Variants in FMN1 observed in about 807,000 individuals in gnomAD.
FMN1 encodes the protein formin 1, also known as formin-1.
In FMN1, 110 loss-of-function variants were observed where a neutral mutation model predicts 132.4. The ratio of observed to expected loss-of-function variants is 0.83; its 90% confidence interval spans 0.71 to 0.97. FMN1 has a LOEUF of 0.97. Among genes scored for constraint, FMN1 ranks in the 50% least tolerant of loss-of-function variants. FMN1 has a pLI of 0.00. For missense variants in FMN1, 1,792 were observed against 1,705.3 expected, an observed-to-expected ratio of 1.05 and a Z score of -0.90; for synonymous variants, 722 against 651.7, an observed-to-expected ratio of 1.11 and a Z score of -1.64.
chr15:32,824,632 C>T (rs1308985275), intron 17 of FMN1, among the ~76,000 whole-genome samples: 1 of 152,158 alleles, frequency 6.6e-6, no homozygotes, highest in Non-Finnish European at 1.5e-5. Context: ...CTCACTCTGT[C>T]ACCTAGGCTG....
chr15:32,899,259 G>A (rs767693029), intron 14 of FMN1, among the ~76,000 whole-genome samples: 20 of 152,210 alleles, frequency 1.3e-4, no homozygotes, highest in Non-Finnish European at 2.6e-4. Context: ...CTCCCTGCCC[G>A]TCTTTCAAAA....
chr15:32,898,435 T>G (rs1387563019), intron 15 of FMN1, among the ~76,000 whole-genome samples: 1 of 152,226 alleles, frequency 6.6e-6, no homozygotes, highest in Non-Finnish European at 1.5e-5. Flanking sequence ...GTTCATAGAT[T>G]CATTACTGAT....
intron 6 of FMN1, among the ~76,000 whole-genome samples, chr15:33,018,620 A>G (rs912854491): frequency 2.0e-5 from 3 of 152,168 alleles, no homozygotes; most frequent in Non-Finnish European, 4.4e-5. Context: ...GCATCTCTTC[A>G]TCTGTATCCT....
At chr15:33,019,444 G>A (rs2035289796) in intron 6 of FMN1, among the ~76,000 whole-genome samples, 1 of 152,212 alleles carries the variant, frequency 6.6e-6, no homozygotes, top group South Asian at 2.1e-4. Context: ...CCTGCACCGG[G>A]GCCGCAGGTG....
At chr15:33,105,354 G>C (rs1248648869) in intron 4 of FMN1, among the ~76,000 whole-genome samples, 1 of 152,104 alleles carries the variant, frequency 6.6e-6, no homozygotes, top group Non-Finnish European at 1.5e-5. Context: ...TTAATAGCTA[G>C]CATAATTTAC....
At chr15:33,073,798 A>G (rs2038092219) in intron 5 of FMN1, among the ~76,000 whole-genome samples, 1 of 149,886 alleles carries the variant, frequency 6.7e-6, no homozygotes, top group Non-Finnish European at 1.5e-5. Flanking sequence ...TGGCACAATC[A>G]CTGCTCAGGC....
chr15:33,068,925 T>C (rs1312072703), intron 5 of FMN1, among the ~76,000 whole-genome samples: 1 of 152,238 alleles, frequency 6.6e-6, no homozygotes, highest in Non-Finnish European at 1.5e-5. Context: ...TGTGACTTCC[T>C]GGCTGCCTTA....
At chr15:32,832,419 C>T (rs2058523483) in intron 17 of FMN1, among the ~76,000 whole-genome samples, 1 of 152,154 alleles carries the variant, frequency 6.6e-6, no homozygotes, top group African/African-American at 2.4e-5. Context: ...TCTTCACAGA[C>T]AACTGTGCTT....
chr15:33,093,296 T>C (rs2038967023), intron 4 of FMN1, among the ~76,000 whole-genome samples: 1 of 152,124 alleles, frequency 6.6e-6, no homozygotes, highest in African/African-American at 2.4e-5. Context: ...GAGGTAAAGT[T>C]TTCTCAGCCG....
intron 5 of FMN1, among the ~76,000 whole-genome samples, chr15:33,070,423 A>G (rs1325687894): frequency 1.3e-5 from 2 of 148,412 alleles, no homozygotes; most frequent in African/African-American, 5.0e-5. Context: ...AAAAGACTCA[A>G]TTTCTCAGAC....
intron 17 of FMN1, among the ~76,000 whole-genome samples, chr15:32,819,624 TC>T (rs1003092199): frequency 6.6e-6 from 1 of 152,186 alleles, no homozygotes; most frequent in Non-Finnish European, 1.5e-5. Flanking sequence ...CTAGCTTTGT[TC>T]CTTCCCACAA....
chr15:32,908,899 C>T (rs1340348464), intron 11 of FMN1, among the ~76,000 whole-genome samples: 1 of 152,138 alleles, frequency 6.6e-6, no homozygotes, highest in African/African-American at 2.4e-5. Flanking sequence ...CTTTTGAATC[C>T]CCCATCTCTT....
At chr15:33,064,917 A>T in intron 6 of FMN1, 40 bp downstream of exon 6, 16 of 1,365,842 alleles carry the variant, frequency 1.2e-5, no homozygotes, top group Non-Finnish European at 1.7e-5. Flanking sequence ...CATTGCAGGA[A>T]GAGATTCATT....
chr15:32,977,276 T>C (rs1175678993), intron 7 of FMN1, among the ~76,000 whole-genome samples: 6 of 152,166 alleles, frequency 3.9e-5, no homozygotes, highest in Admixed American at 2.6e-4. Context: ...AAATCTACTA[T>C]CCACCTTATC....
intron 7 of FMN1, among the ~76,000 whole-genome samples, chr15:32,985,222 G>A (rs2032990133): frequency 6.6e-6 from 1 of 152,088 alleles, no homozygotes; most frequent in Admixed American, 6.6e-5. Context: ...CCAATTTGGT[G>A]GATTTTTTCC....
intron 4 of FMN1, among the ~76,000 whole-genome samples, chr15:33,110,704 T>C (rs1034347490): frequency 2.6e-5 from 4 of 151,870 alleles, no homozygotes; most frequent in African/African-American, 4.8e-5. Context: ...CATTAAAGCA[T>C]TTTGATGACT....
chr15:32,796,743 A>G (rs2057302765), intron 19 of FMN1, among the ~76,000 whole-genome samples: 1 of 152,212 alleles, frequency 6.6e-6, no homozygotes, highest in African/African-American at 2.4e-5. Flanking sequence ...TTTTAAGAAA[A>G]CCCTGGATAT....
At chr15:32,953,713 T>C (rs949162050) in intron 9 of FMN1, among the ~76,000 whole-genome samples, 4 of 152,060 alleles carry the variant, frequency 2.6e-5, no homozygotes, top group Non-Finnish European at 5.9e-5. Flanking sequence ...GAGGAAAAAA[T>C]GGTGGAGGGC....
chr15:32,792,813 G>A (rs6494683), intron 19 of FMN1, among the ~76,000 whole-genome samples: 51,832 of 152,038 alleles, frequency 0.34, 9,394 homozygotes, highest in Middle Eastern at 0.45. Flanking sequence ...TAGACCTGAC[G>A]TGTGCCCCCT....
Sources: allele counts gnomAD v4.1 joint callset (sites outside exome capture counted in the v4.1 genomes callset), GRCh38; gene constraint gnomAD v4.1.1; transcripts MANE v1.5; gene names NCBI Gene and HGNC (gene_info 2026-07-23, HGNC 2026-07-21).